The following CEP63 variants were observed in gnomAD, a reference collection of about 807,000 sequenced individuals.
CEP63 encodes the protein centrosomal protein 63.
A neutral mutation model predicts 89.1 loss-of-function variants in CEP63; 84 were observed. The ratio of observed to expected loss-of-function variants is 0.94; its 90% CI spans 0.79 to 1.13. CEP63 has a LOEUF of 1.13. Ranked by LOEUF, CEP63 falls within the 50% of genes most tolerant of loss-of-function variation. The probability of loss-of-function intolerance (pLI) is 0.00; values close to 1 mark genes in which losing one functional copy is unlikely to be tolerated. For missense variants in CEP63, 838 were observed against 813.3 expected (o/e 1.03, Z -0.37); for synonymous variants, 267 against 272.5 (o/e 0.98, Z 0.20).
At chr3:134,724,182 A>G in the CEP63 span, among the ~76,000 whole-genome samples, 1 of 152,210 alleles carries the variant, frequency 6.6e-6, no homozygotes, top group Non-Finnish European at 1.5e-5. Context: ...AGATGTGCCT[A>G]TGTGATTCTA....
At chr3:134,767,700 T>C in the CEP63 span, among the ~76,000 whole-genome samples, 1 of 152,212 alleles carries the variant, frequency 6.6e-6, no homozygotes, top group Non-Finnish European at 1.5e-5. Flanking sequence ...TAACTTCAGA[T>C]GCACAAATCT....
chr3:134,769,400 G>C, the CEP63 span, among the ~76,000 whole-genome samples: 1 of 152,204 alleles, frequency 6.6e-6, no homozygotes, highest in Non-Finnish European at 1.5e-5. Context: ...CTAGCACAGT[G>C]AGTCTCAACC....
intron 6 of CEP63, among the ~76,000 whole-genome samples, chr3:134,543,341 A>T (rs1363703091): frequency 6.6e-6 from 1 of 152,270 alleles, no homozygotes; most frequent in East Asian, 1.9e-4. Flanking sequence ...CTGCAATGGT[A>T]TTGCAGCCCT....
the CEP63 span, among the ~76,000 whole-genome samples, chr3:134,771,713 C>G: frequency 2.6e-5 from 4 of 152,078 alleles, no homozygotes; most frequent in Non-Finnish European, 5.9e-5. Flanking sequence ...TGCAGCAAAC[C>G]ACCACGGCAC....
At chr3:134,669,883 G>T in the CEP63 span, among the ~76,000 whole-genome samples, 3 of 152,194 alleles carry the variant, frequency 2.0e-5, no homozygotes, top group South Asian at 4.1e-4. Context: ...TTCATATGTT[G>T]AAACCTAATC....
chr3:134,690,743 A>ATTTTTTTTTTTTTTTTTTTTTTTTT, the CEP63 span, among the ~76,000 whole-genome samples: 7 of 120,798 alleles, frequency 5.8e-5, 1 homozygote, highest in African/African-American at 2.1e-4. Flanking sequence ...GAAGACCAAG[A>ATTTTTTTTTTTTTTTTTTTTTTTTT]TTTTTTTTTT....
At chr3:134,760,357 C>G in the CEP63 span, among the ~76,000 whole-genome samples, 1 of 152,170 alleles carries the variant, frequency 6.6e-6, no homozygotes, top group African/African-American at 2.4e-5. Flanking sequence ...CCGCGCCCGG[C>G]CAGCACTTTC....
At chr3:134,591,407 T>A (rs930974494), downstream of CEP63, among the ~76,000 whole-genome samples, 2 of 152,252 alleles carry the variant, frequency 1.3e-5, no homozygotes, top group African/African-American at 4.8e-5. Context: ...CATTGAATTA[T>A]GTCTTTAATA....
intron 10 of CEP63, among the ~76,000 whole-genome samples, chr3:134,583,562 A>G (rs1266215163): frequency 6.6e-6 from 1 of 152,146 alleles, no homozygotes; most frequent in Non-Finnish European, 1.5e-5. Context: ...TACCAGTACC[A>G]TGCTGTTTTG....
the CEP63 span, among the ~76,000 whole-genome samples, chr3:134,697,903 G>C: frequency 6.6e-6 from 1 of 152,250 alleles, no homozygotes; most frequent in African/African-American, 2.4e-5. Context: ...TGGAGCTCCA[G>C]CTGGCTGGCA....
the CEP63 span, among the ~76,000 whole-genome samples, chr3:134,682,753 A>T: frequency 6.6e-6 from 1 of 152,208 alleles, no homozygotes; most frequent in African/African-American, 2.4e-5. Flanking sequence ...TGCTTTACTC[A>T]TTCAGTGCTC....
At chr3:134,650,806 C>T in the CEP63 span, 38 of 1,555,780 alleles carry the variant, frequency 2.4e-5, no homozygotes, top group Admixed American at 1.3e-4. Flanking sequence ...CCCGGGGACC[C>T]GGGTCGGGCG....
In CEP63 at chr3:134,549,044, C is replaced by T. The variant is rs754204966; in HGVS notation, c.1068-18C>T. The T allele has an allele frequency of 2.6e-6, 4 of 1,547,232 alleles. No individual in the cohort carries two copies. The African/African-American group carries it at 5.4e-5, about 21-fold the overall frequency. On this transcript the variant is annotated intron_variant, in intron 9 of 14. Transcript: ENST00000675561. ...AGGATTTTGGTTTTAAGTATGGGAT[C>T]TTATTTTTGTCATACAGTTTGGAAT...
the CEP63 span, chr3:134,627,788 C>T: frequency 3.1e-6 from 5 of 1,613,908 alleles, no homozygotes; most frequent in South Asian, 3.3e-5. Flanking sequence ...TTGCCGGGGT[C>T]TTGTGTTTCC....
chr3:134,510,616 T>G (rs1209519853), intron 3 of CEP63: 1 of 660,080 alleles, frequency 1.5e-6, no homozygotes. Flanking sequence ...GGTGGGAAAT[T>G]GGGAGGCGGG....
At chr3:134,624,433 A>G in the CEP63 span, among the ~76,000 whole-genome samples, 2 of 152,204 alleles carry the variant, frequency 1.3e-5, no homozygotes, top group South Asian at 2.1e-4. Context: ...TTTTAAGACC[A>G]CTTAATGTCC....
At chr3:134,599,896 G>T in the CEP63 span, among the ~76,000 whole-genome samples, 1 of 152,106 alleles carries the variant, frequency 6.6e-6, no homozygotes, top group Non-Finnish European at 1.5e-5. Flanking sequence ...TGAGATACAT[G>T]ATAAGAATGA....
chr3:134,651,706 A>T, the CEP63 span: 6 of 808,368 alleles, frequency 7.4e-6, no homozygotes, highest in Non-Finnish European at 7.5e-6. Context: ...CGAAAGTCTT[A>T]AAGTCTCGGT....
chr3:134,571,435 G>A (rs762536668), intron 11 of CEP63, among the ~76,000 whole-genome samples: 14 of 152,224 alleles, frequency 9.2e-5, no homozygotes, highest in Admixed American at 2.6e-4. Context: ...TAATCCCAGC[G>A]CTTTGGGAGA....
Sources: gnomAD v4.1 joint callset for allele counts (sites outside exome capture counted in the v4.1 genomes callset) on GRCh38, gnomAD v4.1.1 for gene constraint, MANE v1.5 for transcripts, NCBI Gene and HGNC (gene_info 2026-07-23, HGNC 2026-07-21) for gene names.